The following MACROD2 variants were observed in gnomAD, a reference collection of about 807,000 sequenced individuals.
MACROD2 encodes the protein ADP-ribose glycohydrolase MACROD2.
Under a neutral mutation model 70.4 loss-of-function variants are expected in MACROD2, and 36 were observed. The ratio of observed to expected loss-of-function variants is 0.51; its 90% CI spans 0.39 to 0.68. The LOEUF is 0.68. Ranked by LOEUF, MACROD2 falls within the 30% of genes least tolerant of loss-of-function variation. The pLI is 0.00. For synonymous variants in MACROD2, 172 were observed against 178.8 expected (o/e 0.96, Z 0.30); for missense variants, 496 against 538.4 (o/e 0.92, Z 0.78).
chr20:14,495,590 A>G (rs1423746068), intron 4 of MACROD2, among the ~76,000 whole-genome samples: 2 of 152,158 alleles, frequency 1.3e-5, no homozygotes, highest in Non-Finnish European at 2.9e-5. Flanking sequence ...TGTACCTGCC[A>G]TGGTGGTTAC....
At chr20:14,230,245 G>A (rs2081789292) in intron 3 of MACROD2, among the ~76,000 whole-genome samples, 1 of 152,102 alleles carries the variant, frequency 6.6e-6, no homozygotes, top group Non-Finnish European at 1.5e-5. Flanking sequence ...AGCACGGGAT[G>A]CTGTTTGATA....
At chr20:14,937,844 A>G (rs1600849347) in intron 5 of MACROD2, among the ~76,000 whole-genome samples, 1 of 151,722 alleles carries the variant, frequency 6.6e-6, no homozygotes, top group South Asian at 2.1e-4. Context: ...CCACCCCCTT[A>G]CCCTTCCTAG....
At chr20:15,318,653 C>G (rs2077840569) in intron 6 of MACROD2, among the ~76,000 whole-genome samples, 1 of 151,964 alleles carries the variant, frequency 6.6e-6, no homozygotes, top group South Asian at 2.1e-4. Flanking sequence ...ACAGAAATGC[C>G]AGAGTCATTC....
intron 17 of MACROD2, among the ~76,000 whole-genome samples, chr20:16,049,625 CA>C (rs748156669): frequency 2.0e-5 from 3 of 152,278 alleles, no homozygotes; most frequent in Non-Finnish European, 4.4e-5. Context: ...CATTTATTAA[CA>C]GTGATTTATA....
intron 4 of MACROD2, among the ~76,000 whole-genome samples, chr20:14,595,719 C>T (rs181789140): frequency 2.2e-4 from 34 of 152,270 alleles, no homozygotes; most frequent in African/African-American, 7.5e-4. Flanking sequence ...TTTGAAGGTT[C>T]TTACTACACA....
At chr20:16,016,530 T>G (rs953590675) in intron 15 of MACROD2, among the ~76,000 whole-genome samples, 1 of 152,164 alleles carries the variant, frequency 6.6e-6, no homozygotes, top group Non-Finnish European at 1.5e-5. Flanking sequence ...CTTAACCTTT[T>G]CAAAAATGAG....
chr20:15,333,551 A>G (rs1181842949), intron 6 of MACROD2, among the ~76,000 whole-genome samples: 1 of 151,548 alleles, frequency 6.6e-6, no homozygotes, highest in Non-Finnish European at 1.5e-5. Flanking sequence ...GAAAATAGAC[A>G]TGTAGCCATC....
In MACROD2 at chr20:14,127,582, G is replaced by A. The variant is rs2054667770; in HGVS notation, c.271+41854G>A. ...AGGGAAGAGAAGAAACTTTGAGTAG[G>A]AAACTGAAGGAAGAAGTTGAATTGA... On this transcript the variant is annotated intron_variant, in intron 3 of 17. Transcript: ENST00000684519. 5 of 473,400 alleles carry A rather than the reference G, an allele frequency of 1.1e-5. No homozygotes were observed. The South Asian group carries it at 1.4e-4, about 13-fold the overall frequency. 29.3% of individuals were successfully genotyped at this position (473,400 alleles called of 1,614,324 possible). A position where few individuals can be genotyped will look rare whatever the true frequency, so the allele number is the denominator to read the frequency against.
At chr20:14,964,587 A>G (rs1223100064) in intron 5 of MACROD2, among the ~76,000 whole-genome samples, 2 of 151,606 alleles carry the variant, frequency 1.3e-5, no homozygotes, top group African/African-American at 4.9e-5. Context: ...AAATAAAAAA[A>G]ATAAAAAAAA....
At chr20:15,824,694 G>A (rs925428284) in intron 8 of MACROD2, among the ~76,000 whole-genome samples, 2 of 152,168 alleles carry the variant, frequency 1.3e-5, no homozygotes, top group Admixed American at 6.6e-5. Context: ...CAAATATGCA[G>A]CCGATGAGTA....
At chr20:14,269,125 G>C (rs919714480) in intron 3 of MACROD2, among the ~76,000 whole-genome samples, 2 of 152,192 alleles carry the variant, frequency 1.3e-5, no homozygotes, top group African/African-American at 4.8e-5. Context: ...GTTAGGACTT[G>C]TGAATTTTGC....
At chr20:15,524,136 A>G (rs1166979182) in intron 8 of MACROD2, among the ~76,000 whole-genome samples, 1 of 152,108 alleles carries the variant, frequency 6.6e-6, no homozygotes, top group Non-Finnish European at 1.5e-5. Context: ...AACAGAAAAT[A>G]TTTACACCGA....
chr20:15,459,227 G>T (rs2046775399), intron 7 of MACROD2, among the ~76,000 whole-genome samples: 1 of 152,062 alleles, frequency 6.6e-6, no homozygotes, highest in Non-Finnish European at 1.5e-5. Flanking sequence ...TCTTTTAGCT[G>T]CAGCCTCTTC....
chr20:15,644,497 C>A (rs1600706865), intron 8 of MACROD2, among the ~76,000 whole-genome samples: 1 of 152,144 alleles, frequency 6.6e-6, no homozygotes, highest in South Asian at 2.1e-4. Flanking sequence ...TACATAAATT[C>A]TCTTTTGTCT....
In MACROD2 at chr20:14,364,136, T is replaced by A. The variant is rs75743395; in HGVS notation, c.272-129343T>A. ...GTACTCTCTTACTCCTGTTTGCTGA[T>A]CTTTTCCTTTTTTCTCATAAACACA... On this transcript the variant is annotated intron_variant, in intron 3 of 17. Transcript: ENST00000684519. 3.8e-3 allele frequency among the ~76,000 whole-genome samples: 578 copies of A among 152,312 alleles called. 6 individuals are homozygous for A. The highest frequency in any genetic ancestry group is 0.014 in the African/African-American group (564 of 41,574).
chr20:14,567,878 C>G (rs747612344), intron 4 of MACROD2, among the ~76,000 whole-genome samples: 51 of 152,154 alleles, frequency 3.4e-4, no homozygotes, highest in Non-Finnish European at 6.3e-4. Flanking sequence ...TGTAGACACT[C>G]CCTCTTCATT....
chr20:14,712,028 A>T (rs1002531986), intron 5 of MACROD2, among the ~76,000 whole-genome samples: 5 of 152,164 alleles, frequency 3.3e-5, no homozygotes, highest in African/African-American at 1.2e-4. Flanking sequence ...CTTTAAAATA[A>T]CAATAATAAT....
chr20:15,576,209 C>T (rs1380155094), intron 8 of MACROD2, among the ~76,000 whole-genome samples: 2 of 151,996 alleles, frequency 1.3e-5, no homozygotes, highest in Non-Finnish European at 2.9e-5. Flanking sequence ...TAACCACCAC[C>T]TTACAAGAGA....
At chr20:15,958,460 G>A (rs889002964) in intron 12 of MACROD2, among the ~76,000 whole-genome samples, 1 of 152,158 alleles carries the variant, frequency 6.6e-6, no homozygotes, top group Admixed American at 6.5e-5. Context: ...ACAATGTGGT[G>A]TATTTTAAGG....
Sources: gnomAD v4.1 joint callset for allele counts (sites outside exome capture counted in the v4.1 genomes callset) on GRCh38, gnomAD v4.1.1 for gene constraint, MANE v1.5 for transcripts, NCBI Gene and HGNC (gene_info 2026-07-23, HGNC 2026-07-21) for gene names.